KIAA1671: variants seen among roughly 807,000 people sequenced by gnomAD.
KIAA1671 encodes the protein KIAA1671.
A neutral mutation model predicts 131.2 loss-of-function variants in KIAA1671; 52 were observed. The ratio of observed to expected loss-of-function variants is 0.40; its 90% CI spans 0.32 to 0.50. The LOEUF is 0.50. Ranked by LOEUF, KIAA1671 falls within the 20% of genes least tolerant of loss-of-function variation. The pLI, the probability that KIAA1671 is intolerant of heterozygous loss-of-function variation, is 0.73. For missense variants in KIAA1671, 2,360 were observed against 2,364.2 expected, an observed-to-expected ratio of 1.00 and a Z score of 0.04; for synonymous variants, 1,003 against 961.6, an observed-to-expected ratio of 1.04 and a Z score of -0.80.
At chr22:25,050,932 G>A (rs1414849482) in intron 6 of KIAA1671, 1 of 64,618 alleles carries the variant, frequency 1.5e-5, no homozygotes, top group Non-Finnish European at 2.8e-5. Flanking sequence ...GAAGACAAAG[G>A]TGATGGGAGA....
At chr22:25,151,310 T>C (rs574360287) in intron 6 of KIAA1671, among the ~76,000 whole-genome samples, 5 of 148,706 alleles carry the variant, frequency 3.4e-5, no homozygotes, top group African/African-American at 1.2e-4. Context: ...TATATACATA[T>C]ATGCATATAT....
chr22:24,961,636 A>G (rs1298475896), intron 1 of KIAA1671, among the ~76,000 whole-genome samples: 1 of 152,232 alleles, frequency 6.6e-6, no homozygotes, highest in Non-Finnish European at 1.5e-5. Flanking sequence ...GTGGTGGACA[A>G]CAGAAGCCTC....
At chr22:24,957,729 G>A (rs1394302995) in intron 1 of KIAA1671, among the ~76,000 whole-genome samples, 1 of 140,622 alleles carries the variant, frequency 7.1e-6, no homozygotes, top group Non-Finnish European at 1.5e-5. Context: ...CCATGCTGGA[G>A]TGCAATGGCA....
chr22:25,107,416 CA>C (rs1312867077), intron 6 of KIAA1671, among the ~76,000 whole-genome samples: 24 of 131,254 alleles, frequency 1.8e-4, no homozygotes, highest in African/African-American at 6.3e-4. Flanking sequence ...GACTTCGTCT[CA>C]AAAAAAAGTG....
chr22:25,137,220 T>C (rs969141928), intron 6 of KIAA1671, among the ~76,000 whole-genome samples: 1 of 152,248 alleles, frequency 6.6e-6, no homozygotes, highest in Non-Finnish European at 1.5e-5. Flanking sequence ...TCTGATTTCA[T>C]CTTTGCTGTT....
intron 6 of KIAA1671, among the ~76,000 whole-genome samples, chr22:25,123,281 C>T (rs1932032704): frequency 1.3e-5 from 2 of 150,898 alleles, no homozygotes; most frequent in Admixed American, 1.3e-4. Flanking sequence ...ACTGCAACCA[C>T]CCCTTCCTGG....
rs776085326 is a variant in KIAA1671 at position 25,041,192 on chromosome 22, G to A, written c.4062G>A (p.Glu1354=). Reference sequence around the variant, plus strand: ...CTGAGTCAAAGCCCTCTGGTCGGGAGGATCCAGGCAGTGGGGTCAGGGTGT... The same window carrying A: ...CTGAGTCAAAGCCCTCTGGTCGGGAAGATCCAGGCAGTGGGGTCAGGGTGT... ...YLAESKPSGR[E]DPGSGVRVSP... The change falls in exon 5 of 13, where the codon GAG becomes GAA. Residue 1354 remains glutamate (E), a synonymous_variant. Coordinates refer to ENST00000358431, the MANE Select transcript of KIAA1671 (RefSeq NM_001145206.2). 1 of 1,551,806 alleles carries A rather than the reference G, an allele frequency of 6.4e-7. No individual in the cohort carries two copies. Among genetic ancestry groups the A allele is most frequent in the Non-Finnish European group, 8.7e-7 (1 of 1,147,016 alleles).
chr22:25,189,207 G>A (rs1354103653), intron 11 of KIAA1671, among the ~76,000 whole-genome samples: 1 of 147,504 alleles, frequency 6.8e-6, no homozygotes, highest in Admixed American at 6.9e-5. Context: ...AGGCTGGAGT[G>A]CAGCAGAGCC....
chr22:25,163,266 TGCAGTGAGCCGTTG>T (rs1933510983), intron 6 of KIAA1671, among the ~76,000 whole-genome samples: 2 of 146,276 alleles, frequency 1.4e-5, no homozygotes, highest in African/African-American at 5.0e-5. Context: ...GAGTCGAGGC[TGCAGTGAGCCGTTG>T]ACAGTGTCAC....
intron 2 of KIAA1671, among the ~76,000 whole-genome samples, chr22:25,026,860 T>G (rs1925973566): frequency 6.6e-6 from 1 of 152,170 alleles, no homozygotes; most frequent in Non-Finnish European, 1.5e-5. Context: ...TAACGATCAT[T>G]CCTTCATTCT....
At chr22:25,030,387 T>C (rs1258313096) in intron 3 of KIAA1671, among the ~76,000 whole-genome samples, 1 of 151,954 alleles carries the variant, frequency 6.6e-6, no homozygotes, top group Non-Finnish European at 1.5e-5. Context: ...ATACAAAAAT[T>C]AGCCAGGCGT....
At chr22:25,134,893 G>A (rs2145950606) in intron 6 of KIAA1671, among the ~76,000 whole-genome samples, 1 of 152,328 alleles carries the variant, frequency 6.6e-6, no homozygotes, top group South Asian at 2.1e-4. Context: ...CTGATGTAAA[G>A]ATTAAATAAT....
rs987429422 is a variant in KIAA1671, at chr22:25,196,563, T to A, written c.*4162T>A. On this transcript the variant is annotated 3_prime_UTR_variant, in exon 13 of 13. Coordinates refer to ENST00000358431, the MANE Select transcript of KIAA1671 (RefSeq NM_001145206.2). ...AATCCTCTCATCTCCACCTCCAGAG[T>A]AGCCTAGATGACAGGCGCACATCAC... 6.6e-6 allele frequency: 1 copy of A among 151,804 alleles called. No homozygotes were observed. Among genetic ancestry groups the A allele is most frequent in the African/African-American group, 2.4e-5 (1 of 41,276 alleles). The allele number at this position is 151,804 out of a possible 1,614,324, so 9.4% of individuals were successfully genotyped here.
chr22:25,019,293 A>C (rs1289030142), intron 1 of KIAA1671, among the ~76,000 whole-genome samples: 1 of 152,150 alleles, frequency 6.6e-6, no homozygotes, highest in Admixed American at 6.5e-5. Context: ...TGTAGAATGG[A>C]AGTTGTAATA....
intron 7 of KIAA1671, among the ~76,000 whole-genome samples, chr22:25,172,688 CAGG>C (rs1257646104): frequency 2.0e-5 from 3 of 152,266 alleles, no homozygotes; most frequent in South Asian, 4.1e-4. Flanking sequence ...GGAGGCAGGG[CAGG>C]AGGTTTTTAA....
intron 1 of KIAA1671, chr22:25,024,502 G>A (rs1925832581): frequency 6.6e-6 from 1 of 152,162 alleles, no homozygotes; most frequent in Non-Finnish European, 1.5e-5. Context: ...AGGATTGGTG[G>A]ATTGAGCCTC....
Position 25,028,257 on chromosome 22 carries a change from C to T in KIAA1671, c.258C>T (p.Pro86=), listed in dbSNP as rs1266911157. Residue 86 remains proline (P), a synonymous_variant, in exon 3 of 13, where the codon CCC becomes CCT. Transcript: ENST00000358431. ...AATCTCCTGTCCCGTCTCTGCGGCC[C>T]AGTTCGACTGGACCTTCCCCCTCTG... ...DVKSPVPSLR[P]SSTGPSPSGG... The T allele has an allele frequency of 6.4e-7, 1 of 1,551,516 alleles. No individual in the cohort carries two copies. Among genetic ancestry groups the T allele is most frequent in the Non-Finnish European group, 8.7e-7 (1 of 1,147,014 alleles).
At chr22:24,992,837 A>AAAAAAAAAAAC in intron 1 of KIAA1671, among the ~76,000 whole-genome samples, 1 of 151,378 alleles carries the variant, frequency 6.6e-6, no homozygotes, top group Non-Finnish European at 1.5e-5. Flanking sequence ...AAAAAAAAAA[A>AAAAAAAAAAAC]AGACAATGCC....
chr22:24,979,177 T>C (rs1157146065), intron 1 of KIAA1671, among the ~76,000 whole-genome samples: 1 of 139,930 alleles, frequency 7.1e-6, no homozygotes, highest in African/African-American at 2.7e-5. Flanking sequence ...TGTATTTTTT[T>C]TTTTTTTTTT....
Sources: gnomAD v4.1 joint callset for allele counts (sites outside exome capture counted in the v4.1 genomes callset) on GRCh38, gnomAD v4.1.1 for gene constraint, MANE v1.5 for transcripts, NCBI Gene and HGNC (gene_info 2026-07-23, HGNC 2026-07-21) for gene names.